FHIT: variants seen among roughly 807,000 people sequenced by gnomAD.
The protein encoded by FHIT is bis(5'-adenosyl)-triphosphatase.
In FHIT, 19 loss-of-function variants were observed where a neutral mutation model predicts 17.9. The ratio of observed to expected loss-of-function variants is 1.06; its 90% CI spans 0.74 to 1.56. The LOEUF is 1.56. FHIT is among the 40% of genes most tolerant of loss of function. The pLI is 0.00. For missense variants in FHIT, 248 were observed against 189.2 expected (o/e 1.31, Z -1.82); for synonymous variants, 81 against 69.7 (o/e 1.16, Z -0.81).
At chr3:60,611,535 T>G (rs1300869616) in intron 4 of FHIT, among the ~76,000 whole-genome samples, 3 of 152,202 alleles carry the variant, frequency 2.0e-5, no homozygotes, top group African/African-American at 7.2e-5. Flanking sequence ...AGTCCAAGCC[T>G]TTCCTTATAA....
intron 2 of FHIT, among the ~76,000 whole-genome samples, chr3:61,120,412 A>G (rs1402007745): frequency 6.6e-6 from 1 of 152,218 alleles, no homozygotes; most frequent in African/African-American, 2.4e-5. Flanking sequence ...AAGCTTTTCA[A>G]TGAAGCAAAC....
intron 7 of FHIT, among the ~76,000 whole-genome samples, chr3:59,923,236 A>G (rs1279669719): frequency 6.6e-6 from 1 of 151,010 alleles, no homozygotes; most frequent in East Asian, 1.9e-4. Context: ...AAAAAAAAAA[A>G]AAAAAAAAAA....
rs151301412 is a variant in FHIT at position 60,795,147 on chromosome 3, T to G, written c.-18+26772A>C. Among the ~76,000 whole-genome samples, 507 of 152,314 alleles carry G rather than the reference T, an allele frequency of 3.3e-3. 3 individuals are homozygous for G. Among genetic ancestry groups the G allele is most frequent in the African/African-American group, 0.011 (470 of 41,558 alleles). ...TTCATGTGTTTTGTAGATTGTTCCA[T>G]AACTATACACAGAACCTCCACATCC... On this transcript the variant is annotated intron_variant, in intron 4 of 9. Coordinates refer to ENST00000492590, the MANE Select transcript of FHIT (RefSeq NM_002012.4).
intron 2 of FHIT, among the ~76,000 whole-genome samples, chr3:61,188,809 T>G (rs2038612964): frequency 1.3e-5 from 2 of 152,078 alleles, no homozygotes; most frequent in Non-Finnish European, 2.9e-5. Flanking sequence ...ATCCAGCATA[T>G]AAACAGAACC....
intron 5 of FHIT, among the ~76,000 whole-genome samples, chr3:60,187,846 G>A (rs749109068): frequency 6.6e-6 from 1 of 152,102 alleles, no homozygotes; most frequent in African/African-American, 2.4e-5. Flanking sequence ...ACTGATCATA[G>A]CTGGTAATCA....
chr3:60,830,718 G>A (rs553521948), intron 3 of FHIT, among the ~76,000 whole-genome samples: 8 of 152,208 alleles, frequency 5.3e-5, no homozygotes, highest in East Asian at 1.9e-4. Context: ...GCTAACTATC[G>A]GGAATCGGAG....
chr3:60,732,489 C>T, intron 4 of FHIT: 5 of 692,478 alleles, frequency 7.2e-6, no homozygotes, highest in Non-Finnish European at 1.1e-5. Flanking sequence ...AAGCAGGAAC[C>T]CTCACACCCA....
intron 5 of FHIT, among the ~76,000 whole-genome samples, chr3:60,456,846 T>C (rs547445129): frequency 5.3e-5 from 8 of 152,066 alleles, no homozygotes; most frequent in Non-Finnish European, 1.0e-4. Context: ...TCAAAGAGAA[T>C]AAAATACCTA....
intron 5 of FHIT, among the ~76,000 whole-genome samples, chr3:60,345,493 T>C (rs1710731617): frequency 6.6e-6 from 1 of 152,238 alleles, no homozygotes; most frequent in Non-Finnish European, 1.5e-5. Flanking sequence ...ATACTCTCCT[T>C]GCTTTTCAAG....
chr3:59,771,613 G>A (rs765397436), intron 8 of FHIT, among the ~76,000 whole-genome samples: 1 of 152,186 alleles, frequency 6.6e-6, no homozygotes, highest in Non-Finnish European at 1.5e-5. Context: ...GCTACTCCTT[G>A]GCCCAGCAAA....
chr3:61,205,069 C>T (rs9823201), intron 1 of FHIT, among the ~76,000 whole-genome samples: 1 of 150,112 alleles, frequency 6.7e-6, no homozygotes, highest in Non-Finnish European at 1.5e-5. Flanking sequence ...AGAACATGCG[C>T]TGTTTGGTGT....
chr3:60,891,593 C>T (rs559845025), intron 3 of FHIT, among the ~76,000 whole-genome samples: 9 of 152,094 alleles, frequency 5.9e-5, no homozygotes, highest in South Asian at 2.1e-4. Flanking sequence ...AGAAGTCATA[C>T]GTGTCTATAT....
At chr3:60,769,805 A>C (rs1559708340) in intron 4 of FHIT, among the ~76,000 whole-genome samples, 1 of 152,182 alleles carries the variant, frequency 6.6e-6, no homozygotes, top group Admixed American at 6.5e-5. Flanking sequence ...TAGGTTTTCA[A>C]TTTTGTCTGT....
In FHIT at chr3:60,377,921, C is replaced by T. The variant is rs557530104; in HGVS notation, c.103+158939G>A. Reference sequence around the variant, plus strand: ...CATATGTGTTGCATAAATTCATGGACTAATGATTAGGACAATTAATGAATG... The same window carrying T: ...CATATGTGTTGCATAAATTCATGGATTAATGATTAGGACAATTAATGAATG... On this transcript the variant is annotated intron_variant, in intron 5 of 9. Transcript: ENST00000492590. Among the ~76,000 whole-genome samples, 8 of 152,240 alleles carry T rather than the reference C, an allele frequency of 5.3e-5. No individual in the cohort carries two copies. The South Asian group carries it at 1.7e-3, about 32-fold the overall frequency.
At chr3:60,433,399 T>A (rs994553123) in intron 5 of FHIT, among the ~76,000 whole-genome samples, 8 of 152,130 alleles carry the variant, frequency 5.3e-5, no homozygotes, top group African/African-American at 1.9e-4. Context: ...CTAATATCCT[T>A]TGAGATACTG....
chr3:60,930,627 C>A (rs543203918), intron 3 of FHIT, among the ~76,000 whole-genome samples: 2 of 152,308 alleles, frequency 1.3e-5, no homozygotes, highest in South Asian at 4.1e-4. Context: ...CTGATCATCA[C>A]TGGCCATCAG....
At chr3:60,222,746 T>C (rs969481213) in intron 5 of FHIT, among the ~76,000 whole-genome samples, 2 of 151,784 alleles carry the variant, frequency 1.3e-5, no homozygotes, top group African/African-American at 2.4e-5. Flanking sequence ...GACAAGAAAA[T>C]AGGACCTGCT....
intron 5 of FHIT, among the ~76,000 whole-genome samples, chr3:60,360,173 T>G (rs902934168): frequency 1.3e-5 from 2 of 151,884 alleles, no homozygotes; most frequent in African/African-American, 4.8e-5. Flanking sequence ...TGACCACAAC[T>G]TAACAATTAA....
chr3:60,343,579 C>T (rs899257686), intron 5 of FHIT, among the ~76,000 whole-genome samples: 8 of 152,022 alleles, frequency 5.3e-5, no homozygotes, highest in Admixed American at 2.6e-4. Flanking sequence ...CTAATACCAC[C>T]CCAAATTTTC....
Sources: gnomAD v4.1 joint callset for allele counts (sites outside exome capture counted in the v4.1 genomes callset) on GRCh38, gnomAD v4.1.1 for gene constraint, MANE v1.5 for transcripts, NCBI Gene and HGNC (gene_info 2026-07-23, HGNC 2026-07-21) for gene names.